Variants in CHM observed in about 807,000 individuals in gnomAD.
CHM encodes rab proteins geranylgeranyltransferase component A 1.
Under a neutral mutation model 49.0 loss-of-function variants are expected in CHM, and 10 were observed. The observed-to-expected ratio is 0.20, with a 90% CI of 0.13 to 0.35. The LOEUF (loss-of-function observed/expected upper bound fraction) is 0.35. Among genes scored for constraint, CHM ranks in the 10% least tolerant of loss-of-function variants. The probability of loss-of-function intolerance (pLI) is 1.00; values close to 1 mark genes in which losing one functional copy is unlikely to be tolerated. For synonymous variants in CHM, 184 were observed against 167.5 expected (o/e 1.10, Z -0.76); for missense variants, 455 against 478.4 (o/e 0.95, Z 0.46).
Position 85,969,040 on chromosome X carries a change from T to C in CHM, c.315-4988A>G, listed in dbSNP as rs1469878750. 3.2e-5 allele frequency: 20 copies of C among 625,222 alleles called. No individual in the cohort carries two copies. In the South Asian group the frequency reaches 1.5e-3, roughly 46 times the overall value. The allele number at this position is 625,222 out of a possible 1,213,427, so 51.5% of individuals were successfully genotyped here. On this transcript the variant is annotated intron_variant, in intron 4 of 14. Coordinates refer to ENST00000357749, the MANE Select transcript of CHM (RefSeq NM_000390.4). ...GTGTTCGAGAAGCTCCTGTTGCTTG[T>C]ATAATTTTTAAGTGGAAATTTAAGA...
rs905104401 is a variant in CHM at position 85,889,235 on chromosome X, G to A, written c.1510+4953C>T. Reference sequence around the variant, plus strand: ...AAATGGGACTTCATTAAACTAAAGAGCATGTACCCAGCAAAAGAAATTATC... The same window carrying A: ...AAATGGGACTTCATTAAACTAAAGAACATGTACCCAGCAAAAGAAATTATC... On this transcript the variant is annotated intron_variant, in intron 12 of 14. Transcript: ENST00000357749. Among the ~76,000 whole-genome samples the A allele has an allele frequency of 9.8e-5, 11 of 111,921 alleles. No homozygotes were observed. The Admixed American group carries it at 1.0e-3, about 11-fold the overall frequency.
In CHM at chrX:86,005,181, T is replaced by C. The variant is rs368517466; in HGVS notation, c.116+22310A>G. The stretch of plus-strand genomic sequence containing the variant: ...AATGACTACTGGGTACATAACAAAA[T>C]GAAGGCAGAAACAAACATGTTCTTT... On this transcript the variant is annotated intron_variant, in intron 2 of 14. Transcript: ENST00000357749. Among the ~76,000 whole-genome samples, 43 of 111,624 alleles carry C rather than the reference T, an allele frequency of 3.9e-4. No homozygotes were observed. The Middle Eastern group carries it at 0.023, about 60-fold the overall frequency.
intron 1 of CHM, among the ~76,000 whole-genome samples, chrX:86,043,127 A>C (rs1934537104): frequency 1.8e-5 from 2 of 112,015 alleles, no homozygotes; most frequent in Non-Finnish European, 3.8e-5. Flanking sequence ...GATATATACA[A>C]TGGTAATTTT....
At position 85,862,498 on chromosome X, in the gene CHM, C is replaced by G. The variant is rs1289583364; in HGVS notation, c.*2132G>C. On this transcript the variant is annotated 3_prime_UTR_variant, in exon 15 of 15. Coordinates refer to ENST00000357749, the MANE Select transcript of CHM (RefSeq NM_000390.4). ...GTATTAGACATTGAGTGCATATGCC[C>G]CAGCTGGGTTTCAGGAAACATGATT... The G allele has an allele frequency of 8.0e-5, 9 of 111,848 alleles. No individual in the cohort carries two copies. Among genetic ancestry groups the G allele is most frequent in the Non-Finnish European group, 1.7e-4 (9 of 53,075 alleles). 9.2% of individuals were successfully genotyped at this position (111,848 alleles called of 1,213,427 possible).
At chrX:85,968,324 A>G (rs1361502405) in intron 4 of CHM, among the ~76,000 whole-genome samples, 1 of 112,509 alleles carries the variant, frequency 8.9e-6, no homozygotes, top group African/African-American at 3.2e-5. Flanking sequence ...AACACATACT[A>G]TAGAATACAG....
At chrX:86,033,290 C>A (rs1199320667) in intron 1 of CHM, among the ~76,000 whole-genome samples, 3 of 112,017 alleles carry the variant, frequency 2.7e-5, no homozygotes, top group African/African-American at 9.7e-5. Flanking sequence ...CCTGACAGGA[C>A]TTTGATGACC....
intron 11 of CHM, among the ~76,000 whole-genome samples, chrX:85,895,442 C>G (rs1167995981): frequency 9.0e-6 from 1 of 111,324 alleles, no homozygotes; most frequent in East Asian, 2.8e-4. Flanking sequence ...CTGCGCCCGA[C>G]CCAGGTCAAT....
chrX:86,005,588 C>G (rs546509562), intron 2 of CHM, among the ~76,000 whole-genome samples: 5 of 111,903 alleles, frequency 4.5e-5, no homozygotes, highest in African/African-American at 1.6e-4. Context: ...GATATCACCA[C>G]CAATCCCAGA....
intron 2 of CHM, among the ~76,000 whole-genome samples, chrX:85,994,107 T>C (rs764925098): frequency 8.9e-6 from 1 of 112,302 alleles, no homozygotes; most frequent in East Asian, 2.8e-4. Context: ...AATGCAATGA[T>C]ATTAATCAAG....
intron 1 of CHM, among the ~76,000 whole-genome samples, chrX:86,030,581 C>G (rs1168529906): frequency 1.8e-5 from 2 of 111,310 alleles, no homozygotes; most frequent in African/African-American, 6.5e-5. Context: ...AATCCCTAGC[C>G]TGTTAGAGCT....
chrX:85,876,193 A>T (rs900902215), intron 13 of CHM, among the ~76,000 whole-genome samples: 1 of 111,372 alleles, frequency 9.0e-6, no homozygotes, highest in Non-Finnish European at 1.9e-5. Context: ...ACGTACTAGG[A>T]TGGCTATTAT....
intron 12 of CHM, among the ~76,000 whole-genome samples, chrX:85,886,422 G>T (rs757004983): frequency 8.9e-6 from 1 of 112,024 alleles, no homozygotes; most frequent in African/African-American, 3.2e-5. Flanking sequence ...AAGAGATTTG[G>T]AAGTAAAAGT....
intron 9 of CHM, among the ~76,000 whole-genome samples, chrX:85,909,762 C>A (rs908196444): frequency 1.6e-4 from 18 of 111,998 alleles, no homozygotes; most frequent in African/African-American, 5.8e-4. Flanking sequence ...CAAACATGAG[C>A]TATGCAAATT....
intron 8 of CHM, among the ~76,000 whole-genome samples, chrX:85,929,273 C>T (rs1421093199): frequency 9.0e-6 from 1 of 111,540 alleles, no homozygotes; most frequent in African/African-American, 3.3e-5. Context: ...GAGAGCTCTT[C>T]CCTCAAATAT....
intron 8 of CHM, among the ~76,000 whole-genome samples, chrX:85,919,490 T>C (rs1040526710): frequency 1.5e-4 from 17 of 111,112 alleles, no homozygotes; most frequent in African/African-American, 4.2e-4. Context: ...AATACAGTTA[T>C]AGATGCCGAG....
At chrX:85,986,396 A>T (rs747488055) in intron 2 of CHM, among the ~76,000 whole-genome samples, 19 of 111,817 alleles carry the variant, frequency 1.7e-4, no homozygotes, top group Non-Finnish European at 2.6e-4. Flanking sequence ...GCCAGCACTC[A>T]AAGGGGAGAG....
At chrX:86,036,489 G>T (rs999225896) in intron 1 of CHM, among the ~76,000 whole-genome samples, 1 of 110,919 alleles carries the variant, frequency 9.0e-6, no homozygotes, top group Non-Finnish European at 1.9e-5. Context: ...GACAGAGCAG[G>T]TTGTAAAATG....
chrX:86,030,243 C>G (rs1933986854), intron 1 of CHM, among the ~76,000 whole-genome samples: 1 of 112,531 alleles, frequency 8.9e-6, no homozygotes, highest in African/African-American at 3.2e-5. Context: ...TGTGTTTTTC[C>G]TTAATACTTC....
intron 2 of CHM, among the ~76,000 whole-genome samples, chrX:86,022,303 T>A (rs376492585): frequency 1.8e-5 from 2 of 111,961 alleles, no homozygotes; most frequent in Non-Finnish European, 3.8e-5. Context: ...GCTGGGGAAG[T>A]AGACTGAACC....
Sources: allele counts gnomAD v4.1 joint callset (sites outside exome capture counted in the v4.1 genomes callset), GRCh38; gene constraint gnomAD v4.1.1; transcripts MANE v1.5; gene names NCBI Gene and HGNC (gene_info 2026-07-23, HGNC 2026-07-21).